The following GTF3C5 variants were observed in gnomAD, a reference collection of about 807,000 sequenced individuals.
GTF3C5 encodes general transcription factor 3C polypeptide 5.
A neutral mutation model predicts 61.0 loss-of-function variants in GTF3C5; 47 were observed. The ratio of observed to expected loss-of-function variants is 0.77; its 90% CI spans 0.61 to 0.98. The LOEUF (loss-of-function observed/expected upper bound fraction) is 0.98. Among genes scored for constraint, GTF3C5 ranks in the 50% least tolerant of loss-of-function variants. GTF3C5 has a pLI of 0.00. For missense variants in GTF3C5, 659 were observed against 703.3 expected, an observed-to-expected ratio of 0.94 and a Z score of 0.71; for synonymous variants, 295 against 275.4, an observed-to-expected ratio of 1.07 and a Z score of -0.71.
rs1300477494 is a variant in GTF3C5 at position 133,031,006 on chromosome 9, A to G, written c.-6A>G. On this transcript the variant is annotated 5_prime_UTR_variant, in exon 1 of 11. Coordinates refer to ENST00000372097, the MANE Select transcript of GTF3C5 (RefSeq NM_012087.4). ...GACCCTGGCGGGCCCTGCCAGACGC[A>G]CAGGGATGGCGGCGGAGGCGGCCGA... is the stretch of plus-strand genomic sequence containing the variant. The G allele has an allele frequency of 4.3e-6, 7 of 1,612,428 alleles. No homozygotes were observed. In the Admixed American group the frequency reaches 8.3e-5, roughly 19 times the overall value.
rs1420345068 is a variant in GTF3C5 at position 133,058,375 on chromosome 9, G to A, written c.*395G>A. On this transcript the variant is annotated 3_prime_UTR_variant, in exon 11 of 11. Coordinates refer to ENST00000372097, the MANE Select transcript of GTF3C5 (RefSeq NM_012087.4). Reference sequence around the variant, plus strand: ...TCATGACTGTGGTGGTGGAGATAGCGTGGGGAGCCTCGCCCATGGTCTCAC... The same window carrying A: ...TCATGACTGTGGTGGTGGAGATAGCATGGGGAGCCTCGCCCATGGTCTCAC... 1.7e-5 allele frequency: 3 copies of A among 174,276 alleles called. No individual in the cohort carries two copies. Among genetic ancestry groups the A allele is most frequent in the South Asian group, 1.2e-4 (1 of 8,156 alleles). The allele number at this position is 174,276 out of a possible 1,614,324, so 10.8% of individuals were successfully genotyped here. A position where few individuals can be genotyped will look rare whatever the true frequency, so the allele number is the denominator to read the frequency against.
chr9:133,040,342 AG>A, intron 1 of GTF3C5, among the ~76,000 whole-genome samples: 1 of 152,240 alleles, frequency 6.6e-6, no homozygotes, highest in Non-Finnish European at 1.5e-5. Flanking sequence ...ACTAGCACGT[AG>A]GTGACCTTGT....
intron 3 of GTF3C5, chr9:133,044,192 T>G: frequency 4.2e-6 from 2 of 480,094 alleles, no homozygotes; most frequent in East Asian, 3.8e-5. Flanking sequence ...ACAGTAGTAC[T>G]ACCCAACAGA....
chr9:133,058,174 C>T lies in GTF3C5; in HGVS notation c.*194C>T. 2.8e-6 allele frequency: 4 copies of T among 1,413,412 alleles called. No homozygotes were observed. The highest frequency in any genetic ancestry group is 3.7e-6 in the Non-Finnish European group (4 of 1,081,956). The allele number at this position is 1,413,412 out of a possible 1,614,324, so 87.6% of individuals were successfully genotyped here. On this transcript the variant is annotated 3_prime_UTR_variant, in exon 11 of 11. Transcript: ENST00000372097. ...CATGCTGCTTGGTGCTGCCTCTGGT[C>T]CTGAGGGGTTAGGGACATCCCCAAA...
intron 4 of GTF3C5, among the ~76,000 whole-genome samples, chr9:133,051,375 G>A (rs1057421987): frequency 5.3e-5 from 8 of 152,146 alleles, no homozygotes; most frequent in Non-Finnish European, 1.2e-4. Flanking sequence ...CTCCTTCCCC[G>A]GGCTTGCGGG....
intron 1 of GTF3C5, among the ~76,000 whole-genome samples, chr9:133,034,014 A>C (rs1446440089): frequency 6.6e-6 from 1 of 151,900 alleles, no homozygotes. Context: ...GGTCCAGTCA[A>C]CCTTAGAGAG....
At chr9:133,042,956 G>A (rs1315231241) in intron 2 of GTF3C5, among the ~76,000 whole-genome samples, 1 of 152,216 alleles carries the variant, frequency 6.6e-6, no homozygotes, top group Non-Finnish European at 1.5e-5. Context: ...GATTCCGGGA[G>A]GCAATGCTTG....
At chr9:133,033,997 C>T (rs1467070256) in intron 1 of GTF3C5, among the ~76,000 whole-genome samples, 3 of 152,006 alleles carry the variant, frequency 2.0e-5, no homozygotes, top group Admixed American at 6.6e-5. Flanking sequence ...TGTTTTTAAC[C>T]GCCGATGGTC....
At chr9:133,051,589 G>A (rs779762378) in intron 4 of GTF3C5, among the ~76,000 whole-genome samples, 1 of 152,176 alleles carries the variant, frequency 6.6e-6, no homozygotes, top group Non-Finnish European at 1.5e-5. Flanking sequence ...GAATTGGCTC[G>A]TGAGGCCCGC....
intron 8 of GTF3C5, chr9:133,055,160 A>G: frequency 1.9e-6 from 3 of 1,543,348 alleles, no homozygotes; most frequent in Non-Finnish European, 2.6e-6. Flanking sequence ...ACAGGAGGAC[A>G]GAGCCAGAGC....
intron 8 of GTF3C5, chr9:133,055,808 C>T: frequency 7.2e-7 from 1 of 1,390,662 alleles, no homozygotes; most frequent in African/African-American, 1.5e-5. Context: ...GGGTGCTCCT[C>T]TGCCTCTCCC....
intron 1 of GTF3C5, among the ~76,000 whole-genome samples, chr9:133,034,354 C>T (rs1039648875): frequency 3.9e-5 from 6 of 152,164 alleles, no homozygotes; most frequent in East Asian, 1.9e-4. Flanking sequence ...TTAACTACAT[C>T]GGATAGCTGC....
chr9:133,042,608 C>CT (rs1229962899), intron 2 of GTF3C5, among the ~76,000 whole-genome samples: 26 of 152,244 alleles, frequency 1.7e-4, no homozygotes, highest in Non-Finnish European at 2.1e-4. Context: ...GACCTCCAGT[C>CT]TTTCCCCCAC....
At chr9:133,052,213 C>A in intron 5 of GTF3C5, 49 bp downstream of exon 5, 1 of 987,948 alleles carries the variant, frequency 1.0e-6, no homozygotes, top group Non-Finnish European at 1.6e-6. Context: ...CCCATGTGGT[C>A]CCTGGTCCCT....
At chr9:133,055,904 C>T (rs931135148) in intron 8 of GTF3C5, 108 bp from the exon 9 acceptor site, 1 of 1,498,626 alleles carries the variant, frequency 6.7e-7, no homozygotes, top group Non-Finnish European at 8.9e-7. Flanking sequence ...TCCTGGTGAC[C>T]AGCCAGCTCC....
Position 133,058,075 on chromosome 9 carries a change from A to G in GTF3C5, c.*95A>G. 6.3e-7 allele frequency: 1 copy of G among 1,577,236 alleles called. No individual in the cohort carries two copies. The highest frequency in any genetic ancestry group is 1.9e-5 in the Admixed American group (1 of 53,742). On this transcript the variant is annotated 3_prime_UTR_variant, in exon 11 of 11. Coordinates refer to ENST00000372097, the MANE Select transcript of GTF3C5 (RefSeq NM_012087.4). ...CCCATTGCCACCCACAGTGCCCGGA[A>G]TGGCCCTAGGAGGCCCTCTGAGGAG...
At chr9:133,043,660 G>A in intron 2 of GTF3C5, 68 bp from the exon 3 acceptor site, 1 of 1,256,718 alleles carries the variant, frequency 8.0e-7, no homozygotes, top group Non-Finnish European at 1.2e-6. Context: ...AGCAGATGTG[G>A]GTGTCGGTGT....
At chr9:133,035,522 G>C (rs1849839327) in intron 1 of GTF3C5, among the ~76,000 whole-genome samples, 2 of 152,192 alleles carry the variant, frequency 1.3e-5, no homozygotes, top group Admixed American at 6.5e-5. Flanking sequence ...CCTTGATGCA[G>C]CTGAGATAAG....
chr9:133,032,713 A>G (rs1411760720), intron 1 of GTF3C5, among the ~76,000 whole-genome samples: 1 of 152,192 alleles, frequency 6.6e-6, no homozygotes, highest in African/African-American at 2.4e-5. Flanking sequence ...GGCACAGGGT[A>G]TGATACAACA....
Sources: gnomAD v4.1 joint callset for allele counts (sites outside exome capture counted in the v4.1 genomes callset) on GRCh38, gnomAD v4.1.1 for gene constraint, MANE v1.5 for transcripts, NCBI Gene and HGNC (gene_info 2026-07-23, HGNC 2026-07-21) for gene names.